RTN4: variants seen among roughly 807,000 people sequenced by gnomAD.
The protein encoded by RTN4 is reticulon 4, also known as reticulon-4.
A neutral mutation model predicts 90.4 loss-of-function variants in RTN4; 32 were observed. The observed-to-expected ratio is 0.35, with a 90% CI of 0.27 to 0.48. RTN4 has a LOEUF of 0.48. Among genes scored for constraint, RTN4 ranks in the 20% least tolerant of loss-of-function variants. RTN4 has a pLI of 0.99. For synonymous variants in RTN4, 629 were observed against 552.5 expected, an observed-to-expected ratio of 1.14 and a Z score of -1.94; for missense variants, 1,706 against 1,430.2, an observed-to-expected ratio of 1.19 and a Z score of -3.11.
intron 2 of RTN4, among the ~76,000 whole-genome samples, chr2:55,079,073 T>C (rs76495751): frequency 0.059 from 8,963 of 152,252 alleles, 834 homozygotes; most frequent in African/African-American, 0.2. Flanking sequence ...CAAGTGGCTG[T>C]AGTGAACATA....
chr2:55,030,754 C>T (rs567819943), intron 1 of RTN4, among the ~76,000 whole-genome samples: 4 of 152,262 alleles, frequency 2.6e-5, no homozygotes, highest in Admixed American at 6.5e-5. Context: ...CCTCAAAGCA[C>T]GAGATGTGCT....
At chr2:55,009,490 T>C (rs1462117800) in intron 3 of RTN4, among the ~76,000 whole-genome samples, 1 of 152,192 alleles carries the variant, frequency 6.6e-6, no homozygotes, top group East Asian at 1.9e-4. Context: ...GATTGGTTAT[T>C]ACAAGGACAA....
At chr2:55,006,449 G>A (rs905587569) in intron 3 of RTN4, among the ~76,000 whole-genome samples, 4 of 152,092 alleles carry the variant, frequency 2.6e-5, no homozygotes, top group Non-Finnish European at 5.9e-5. Context: ...ATGTCAGTAT[G>A]AGCTTTATTC....
At chr2:55,130,980 A>C in the RTN4 span, among the ~76,000 whole-genome samples, 1 of 152,206 alleles carries the variant, frequency 6.6e-6, no homozygotes, top group Non-Finnish European at 1.5e-5. Context: ...GAGTCATGCA[A>C]AAGTCCTGGG....
chr2:55,053,847 T>G (rs954944315), upstream of RTN4, among the ~76,000 whole-genome samples: 2 of 152,070 alleles, frequency 1.3e-5, no homozygotes. Context: ...TGGGAGAACT[T>G]TGGGAGGTCA....
intron 3 of RTN4, chr2:55,010,485 A>C: frequency 2.5e-6 from 1 of 405,960 alleles, no homozygotes; most frequent in Non-Finnish European, 3.5e-6. Flanking sequence ...CTAACCACTG[A>C]ATGTATCTGA....
At chr2:55,028,025 T>G (rs1682033414) in intron 2 of RTN4, 139 bp downstream of exon 2, 1 of 694,604 alleles carries the variant, frequency 1.4e-6, no homozygotes, top group Admixed American at 3.8e-5. Context: ...AAATGCACAT[T>G]TCAACTTTTC....
intron 3 of RTN4, among the ~76,000 whole-genome samples, chr2:55,017,444 G>A (rs1681123763): frequency 6.6e-6 from 1 of 152,066 alleles, no homozygotes; most frequent in Non-Finnish European, 1.5e-5. Context: ...AATACTACTT[G>A]GTGAATCCTG....
upstream of RTN4, among the ~76,000 whole-genome samples, chr2:55,116,060 A>G (rs1668118547): frequency 6.7e-6 from 1 of 148,412 alleles, no homozygotes; most frequent in Non-Finnish European, 1.5e-5. Context: ...ACCCCAAAAG[A>G]GGATCATATA....
At chr2:54,999,851 C>T (rs1052902805) in intron 3 of RTN4, among the ~76,000 whole-genome samples, 1 of 152,086 alleles carries the variant, frequency 6.6e-6, no homozygotes, top group Non-Finnish European at 1.5e-5. Context: ...AACTGACAGG[C>T]GAAGGTCCAC....
intron 3 of RTN4, among the ~76,000 whole-genome samples, chr2:54,999,597 G>A (rs1012847201): frequency 6.6e-6 from 1 of 152,100 alleles, no homozygotes; most frequent in African/African-American, 2.4e-5. Flanking sequence ...GGTGAGGAAT[G>A]AGAATGGCAG....
chr2:55,018,071 T>C (rs549981291), intron 3 of RTN4, among the ~76,000 whole-genome samples: 1 of 152,298 alleles, frequency 6.6e-6, no homozygotes, highest in Non-Finnish European at 1.5e-5. Context: ...CTCAAAAACA[T>C]TGTGCTTATT....
intron 3 of RTN4, among the ~76,000 whole-genome samples, chr2:55,011,178 C>G (rs568388874): frequency 6.6e-6 from 1 of 152,124 alleles, no homozygotes; most frequent in African/African-American, 2.4e-5. Context: ...TGCCACCATG[C>G]CCAGTTAATT....
At chr2:55,129,163 G>A in the RTN4 span, among the ~76,000 whole-genome samples, 1 of 149,470 alleles carries the variant, frequency 6.7e-6, no homozygotes, top group African/African-American at 2.5e-5. Flanking sequence ...AGGATATAAA[G>A]AGGCAATTCA....
At chr2:55,115,990 C>T (rs1272286566), upstream of RTN4, among the ~76,000 whole-genome samples, 2 of 152,032 alleles carry the variant, frequency 1.3e-5, no homozygotes, top group African/African-American at 2.4e-5. Context: ...ACAGCAAAGA[C>T]CCTCTGGGTG....
intron 3 of RTN4, among the ~76,000 whole-genome samples, chr2:55,022,429 G>A (rs531353605): frequency 6.6e-6 from 1 of 152,242 alleles, no homozygotes; most frequent in South Asian, 2.1e-4. Context: ...AAACCTGGCT[G>A]TTCCTTGAAG....
chr2:54,992,114 A>C (rs900843946), intron 3 of RTN4, among the ~76,000 whole-genome samples: 1 of 152,150 alleles, frequency 6.6e-6, no homozygotes, highest in Non-Finnish European at 1.5e-5. Flanking sequence ...GTGGGAGGCC[A>C]GGAGTTTGAG....
intron 1 of RTN4, among the ~76,000 whole-genome samples, chr2:55,038,332 G>A (rs369409174): frequency 1.7e-3 from 257 of 152,040 alleles, no homozygotes; most frequent in African/African-American, 5.7e-3. Flanking sequence ...AAAATTAATA[G>A]GCAAGCTACA....
chr2:55,112,306 C>A (rs757987545), intron 1 of RTN4, among the ~76,000 whole-genome samples: 2 of 152,180 alleles, frequency 1.3e-5, no homozygotes, highest in Non-Finnish European at 2.9e-5. Flanking sequence ...ACAGCAACCC[C>A]GTAAAATCCT....
Sources: allele counts gnomAD v4.1 joint callset (sites outside exome capture counted in the v4.1 genomes callset), GRCh38; gene constraint gnomAD v4.1.1; transcripts MANE v1.5; gene names NCBI Gene and HGNC (gene_info 2026-07-23, HGNC 2026-07-21).